Variants in FHIP1A observed in about 807,000 individuals in gnomAD.
The protein encoded by FHIP1A is FHF complex subunit HOOK-interacting protein 1A.
FHIP1A carries 61 observed loss-of-function variants against 88.6 expected under a neutral mutation model. The observed-to-expected ratio is 0.69, with a 90% confidence interval of 0.56 to 0.85. The LOEUF is 0.85. Ranked by LOEUF, FHIP1A falls within the 40% of genes least tolerant of loss-of-function variation. The pLI is 0.00. For missense variants in FHIP1A, 1,154 were observed against 1,273.5 expected, an observed-to-expected ratio of 0.91 and a Z score of 1.43; for synonymous variants, 478 against 496.0, an observed-to-expected ratio of 0.96 and a Z score of 0.48.
rs542133953 is a variant in FHIP1A, at chr4:151,433,651, C to T, written c.-355-21050C>T. Among the ~76,000 whole-genome samples, 7 of 152,048 alleles carry T rather than the reference C, an allele frequency of 4.6e-5. No homozygotes were observed. The South Asian group carries it at 6.2e-4, about 14-fold the overall frequency. The stretch of plus-strand genomic sequence containing the variant: ...GGAGTGGAGGCTGTGAGATAGATGA[C>T]GGTGGCCAGGAACTTGCTCAAAGAG... On this transcript the variant is annotated intron_variant, in intron 1 of 13. Coordinates refer to ENST00000435205, the MANE Select transcript of FHIP1A (RefSeq NM_001109977.3).
chr4:151,655,711 C>T (rs560061425), intron 11 of FHIP1A, among the ~76,000 whole-genome samples: 10 of 152,146 alleles, frequency 6.6e-5, no homozygotes, highest in Admixed American at 3.9e-4. Context: ...GATAGGCAAC[C>T]CCTGTTGACA....
chr4:151,498,779 G>A (rs1441462444), intron 3 of FHIP1A, among the ~76,000 whole-genome samples: 1 of 152,212 alleles, frequency 6.6e-6, no homozygotes, highest in Non-Finnish European at 1.5e-5. Flanking sequence ...TCACGCCACT[G>A]CCCTCCAGCC....
intron 8 of FHIP1A, among the ~76,000 whole-genome samples, chr4:151,638,410 A>T: frequency 6.6e-6 from 1 of 151,438 alleles, no homozygotes; most frequent in East Asian, 1.9e-4. Context: ...TGGATCTTTA[A>T]AAGTTGGAAA....
At chr4:151,414,860 A>C (rs1732824116) in intron 1 of FHIP1A, among the ~76,000 whole-genome samples, 1 of 152,198 alleles carries the variant, frequency 6.6e-6, no homozygotes, top group Non-Finnish European at 1.5e-5. Context: ...TTCTTATTAC[A>C]TACATGATAC....
chr4:151,547,409 C>CT (rs777666546), intron 3 of FHIP1A, among the ~76,000 whole-genome samples: 3 of 152,100 alleles, frequency 2.0e-5, no homozygotes, highest in African/African-American at 2.4e-5. Flanking sequence ...CTTAAACACT[C>CT]TTTTTTTCCC....
rs867645841 is a variant in FHIP1A at position 151,577,970 on chromosome 4, G to T, written c.626G>T (p.Gly209Val). Reference sequence around the variant, plus strand: ...CTGATTCCCTTCATTCACCGAGAGGGGTCAGTAGGCCAGCAAGCTCGGGAT... The same window carrying T: ...CTGATTCCCTTCATTCACCGAGAGGTGTCAGTAGGCCAGCAAGCTCGGGAT... ...SLLIPFIHRE[G>V]SVGQQARDAL... Residue 209 changes from glycine to valine, a missense_variant, in exon 5 of 14, where the codon GGG becomes GTG. Gly to Val is a moderately radical substitution (Grantham distance 109). Coordinates refer to ENST00000435205, the MANE Select transcript of FHIP1A (RefSeq NM_001109977.3). 14 of 1,551,010 alleles carry T rather than the reference G, an allele frequency of 9.0e-6. No individual in the cohort carries two copies. In the Middle Eastern group the frequency reaches 1.7e-3, roughly 184 times the overall value.
intron 7 of FHIP1A, among the ~76,000 whole-genome samples, chr4:151,610,905 C>A (rs1735300055): frequency 1.3e-5 from 2 of 152,104 alleles, no homozygotes; most frequent in Non-Finnish European, 2.9e-5. Context: ...TGGTAAACAC[C>A]ATGAGAGTAG....
At chr4:151,633,854 A>G (rs925445796) in intron 8 of FHIP1A, among the ~76,000 whole-genome samples, 2 of 151,982 alleles carry the variant, frequency 1.3e-5, no homozygotes, top group African/African-American at 2.4e-5. Context: ...ATCTTACTCA[A>G]TGGTGAAAGA....
intron 6 of FHIP1A, among the ~76,000 whole-genome samples, chr4:151,587,793 G>T (rs1033901072): frequency 1.3e-5 from 2 of 151,912 alleles, no homozygotes; most frequent in African/African-American, 4.8e-5. Flanking sequence ...CTAAGTCAAA[G>T]AAAGTTTTAT....
intron 7 of FHIP1A, among the ~76,000 whole-genome samples, chr4:151,596,927 C>T (rs542806453): frequency 1.4e-4 from 22 of 152,176 alleles, no homozygotes; most frequent in African/African-American, 2.2e-4. Context: ...AATTCCTCTA[C>T]GCTTTTTTCA....
intron 3 of FHIP1A, among the ~76,000 whole-genome samples, chr4:151,529,484 A>G (rs2126709606): frequency 6.6e-6 from 1 of 152,316 alleles, no homozygotes; most frequent in East Asian, 1.9e-4. Flanking sequence ...CTGACATTAG[A>G]GCACATCATA....
At chr4:151,430,548 T>A (rs2126539011) in intron 1 of FHIP1A, among the ~76,000 whole-genome samples, 1 of 152,368 alleles carries the variant, frequency 6.6e-6, no homozygotes, top group East Asian at 1.9e-4. Flanking sequence ...AGAAATTTAC[T>A]GTGTGTTATA....
intron 3 of FHIP1A, among the ~76,000 whole-genome samples, chr4:151,509,329 A>G (rs1580647831): frequency 6.6e-6 from 1 of 150,840 alleles, no homozygotes; most frequent in Admixed American, 6.6e-5. Context: ...CACCTGGTTA[A>G]TTTTTTTTTG....
chr4:151,509,291 T>C (rs1730940773), intron 3 of FHIP1A, among the ~76,000 whole-genome samples: 1 of 152,094 alleles, frequency 6.6e-6, no homozygotes, highest in South Asian at 2.1e-4. Context: ...GCCTCCCAAG[T>C]AGCTGGGACT....
intron 3 of FHIP1A, among the ~76,000 whole-genome samples, chr4:151,528,258 C>T (rs1271139829): frequency 6.6e-6 from 1 of 152,158 alleles, no homozygotes; most frequent in African/African-American, 2.4e-5. Context: ...CTGTTTCACT[C>T]CCAGCTTTGA....
rs947172257 is a variant in FHIP1A at position 151,664,293 on chromosome 4, G to A, written c.*1539G>A. On this transcript the variant is annotated 3_prime_UTR_variant, in exon 14 of 14. Coordinates refer to ENST00000435205, the MANE Select transcript of FHIP1A (RefSeq NM_001109977.3). ...TTTCATGCACAGGCAGGGCAGTGGCGGAAGAACCACACCTGCAATGCTGTG... is the reference window on the plus strand; with the variant it reads ...TTTCATGCACAGGCAGGGCAGTGGCAGAAGAACCACACCTGCAATGCTGTG... Among the ~76,000 whole-genome samples the A allele has an allele frequency of 8.5e-5, 13 of 152,180 alleles. No homozygotes were observed. The highest frequency in any genetic ancestry group is 1.5e-4 in the Non-Finnish European group (10 of 68,038).
chr4:151,605,653 G>C (rs979256880), intron 7 of FHIP1A, among the ~76,000 whole-genome samples: 6 of 152,196 alleles, frequency 3.9e-5, no homozygotes, highest in Non-Finnish European at 7.3e-5. Flanking sequence ...CATGTGTGCT[G>C]GGTTCATATA....
At chr4:151,450,212 G>A (rs2709838) in intron 1 of FHIP1A, among the ~76,000 whole-genome samples, 79,168 of 151,934 alleles carry the variant, frequency 0.52, 20,918 homozygotes, top group African/African-American at 0.55. Context: ...ACGTAAAGAA[G>A]TGTATAAAAT....
rs1417763521 is a variant in FHIP1A at position 151,454,688 on chromosome 4, T to C, written c.-355-13T>C. On this transcript the variant is annotated splice_polypyrimidine_tract_variant and intron_variant, in intron 1 of 13. Coordinates refer to ENST00000435205, the MANE Select transcript of FHIP1A (RefSeq NM_001109977.3). ...CAGGTGTTTTTCTGAAGGACTTTTTTTTTTTTTTCCAGGTGATACACTTGG... is the reference window on the plus strand; with the variant it reads ...CAGGTGTTTTTCTGAAGGACTTTTTCTTTTTTTTCCAGGTGATACACTTGG... The C allele has an allele frequency of 6.6e-6, 1 of 152,110 alleles. No individual in the cohort carries two copies. The highest frequency in any genetic ancestry group is 6.6e-5 in the Admixed American group (1 of 15,260). The allele number at this position is 152,110 out of a possible 1,614,324, so 9.4% of individuals were successfully genotyped here.
Sources: gnomAD v4.1 joint callset for allele counts (sites outside exome capture counted in the v4.1 genomes callset) on GRCh38, gnomAD v4.1.1 for gene constraint, MANE v1.5 for transcripts, NCBI Gene and HGNC (gene_info 2026-07-23, HGNC 2026-07-21) for gene names.